NDUFS4: variants seen among roughly 807,000 people sequenced by gnomAD.
NDUFS4 encodes NADH dehydrogenase [ubiquinone] iron-sulfur protein 4, mitochondrial.
Under a neutral mutation model 24.3 loss-of-function variants are expected in NDUFS4, and 28 were observed. The observed-to-expected ratio is 1.15, with a 90% CI of 0.85 to 1.58. The LOEUF (loss-of-function observed/expected upper bound fraction) is 1.58, where lower values mean the gene tolerates loss of function less well. Ranked by LOEUF, NDUFS4 falls within the 40% of genes most tolerant of loss-of-function variation. The pLI is 0.00. For synonymous variants in NDUFS4, 93 were observed against 69.7 expected (o/e 1.34, Z -1.67); for missense variants, 223 against 207.9 (o/e 1.07, Z -0.45).
chr5:53,605,754 C>T (rs556964871), intron 2 of NDUFS4, among the ~76,000 whole-genome samples: 1 of 152,224 alleles, frequency 6.6e-6, no homozygotes, highest in South Asian at 2.1e-4. Flanking sequence ...GTGGCTCGTG[C>T]CTGTAATCCC....
chr5:53,646,473 T>C (rs1052266768), intron 3 of NDUFS4, 68 bp downstream of exon 3: 4 of 1,533,396 alleles, frequency 2.6e-6, no homozygotes, highest in Non-Finnish European at 3.6e-6. Context: ...CTTCTAAATA[T>C]GATTTTCAAA....
At chr5:53,635,428 T>TA (rs1196283524) in intron 2 of NDUFS4, among the ~76,000 whole-genome samples, 1 of 151,692 alleles carries the variant, frequency 6.6e-6, no homozygotes, top group Non-Finnish European at 1.5e-5. Flanking sequence ...GCTGAGGTGG[T>TA]ATGATCACCT....
At chr5:53,607,452 A>AT (rs1216344840) in intron 2 of NDUFS4, among the ~76,000 whole-genome samples, 6 of 152,202 alleles carry the variant, frequency 3.9e-5, no homozygotes, top group Admixed American at 2.6e-4. Context: ...TACCTCTTGA[A>AT]TCTAAAATTA....
chr5:53,678,318 T>G (rs1245784401), intron 4 of NDUFS4, among the ~76,000 whole-genome samples: 1 of 152,184 alleles, frequency 6.6e-6, no homozygotes, highest in Non-Finnish European at 1.5e-5. Context: ...GTGAAAGCGT[T>G]TCAGTGTGTG....
chr5:53,593,390 A>G (rs1056436067), intron 1 of NDUFS4, among the ~76,000 whole-genome samples: 4 of 151,424 alleles, frequency 2.6e-5, no homozygotes, highest in Non-Finnish European at 4.4e-5. Flanking sequence ...TTCATTTTAT[A>G]TATTAGGGCT....
At chr5:53,673,908 GT>G (rs1163011188) in intron 4 of NDUFS4, among the ~76,000 whole-genome samples, 4 of 152,072 alleles carry the variant, frequency 2.6e-5, no homozygotes, top group African/African-American at 9.7e-5. Flanking sequence ...AAATGAACAT[GT>G]TCATTAACCA....
chr5:53,629,964 T>C (rs1036148980), intron 2 of NDUFS4, among the ~76,000 whole-genome samples: 1 of 152,228 alleles, frequency 6.6e-6, no homozygotes, highest in Admixed American at 6.5e-5. Flanking sequence ...TGCAGTTTCT[T>C]CATAGCGCTG....
intron 4 of NDUFS4, among the ~76,000 whole-genome samples, chr5:53,669,147 G>A (rs1399924052): frequency 6.6e-6 from 1 of 152,090 alleles, no homozygotes; most frequent in East Asian, 1.9e-4. Flanking sequence ...AAAATTTTAG[G>A]TGACCTCTAG....
intron 2 of NDUFS4, among the ~76,000 whole-genome samples, chr5:53,632,369 A>G (rs1751434665): frequency 6.6e-6 from 1 of 152,030 alleles, no homozygotes; most frequent in African/African-American, 2.4e-5. Flanking sequence ...CTTACGTTTT[A>G]CCTTTCTTGT....
At chr5:53,585,465 G>T (rs1749718136) in intron 1 of NDUFS4, among the ~76,000 whole-genome samples, 1 of 152,158 alleles carries the variant, frequency 6.6e-6, no homozygotes, top group South Asian at 2.1e-4. Context: ...AAATTTTTGT[G>T]CCGGGCTTGG....
chr5:53,573,454 CTCTT>C (rs1293000337), intron 1 of NDUFS4, among the ~76,000 whole-genome samples: 1 of 152,136 alleles, frequency 6.6e-6, no homozygotes, highest in Non-Finnish European at 1.5e-5. Flanking sequence ...CATGGTATGT[CTCTT>C]TATTTATTTA....
intron 2 of NDUFS4, among the ~76,000 whole-genome samples, chr5:53,610,810 T>C (rs1448377499): frequency 6.6e-6 from 1 of 152,214 alleles, no homozygotes; most frequent in Non-Finnish European, 1.5e-5. Context: ...GAATCTCTTT[T>C]AAAATGTTTT....
At chr5:53,568,308 ATAT>A (rs1485979006) in intron 1 of NDUFS4, among the ~76,000 whole-genome samples, 8 of 151,964 alleles carry the variant, frequency 5.3e-5, no homozygotes, top group African/African-American at 1.7e-4. Flanking sequence ...CCCCCAGTCT[ATAT>A]TGGTTCAGTA....
chr5:53,580,539 GATCTA>G lies in NDUFS4; in HGVS notation c.98+19781_98+19785del, dbSNP rs576546870. 6.6e-5 allele frequency among the ~76,000 whole-genome samples: 10 copies of G among 152,282 alleles called. No individual in the cohort carries two copies. In the South Asian group the frequency reaches 1.7e-3, roughly 25 times the overall value. On this transcript the variant is annotated intron_variant, in intron 1 of 4. Coordinates refer to ENST00000296684, the MANE Select transcript of NDUFS4 (RefSeq NM_002495.4). ...CTTTTCCATGAATTCTAGGTGCATA[GATCTA>G]ACCAAGACATCCTCATCTTGGATTT...
At chr5:53,573,698 C>G (rs1749292428) in intron 1 of NDUFS4, 1 of 349,406 alleles carries the variant, frequency 2.9e-6, no homozygotes, top group Non-Finnish European at 5.6e-6. Flanking sequence ...AAGCAGTCCT[C>G]CCACCTCAGC....
At chr5:53,617,557 C>T (rs558301223) in intron 2 of NDUFS4, among the ~76,000 whole-genome samples, 8 of 152,216 alleles carry the variant, frequency 5.3e-5, no homozygotes, top group African/African-American at 1.7e-4. Flanking sequence ...CTTCTTCCTT[C>T]CATTCTTTTT....
intron 3 of NDUFS4, among the ~76,000 whole-genome samples, chr5:53,653,694 T>C (rs1401412225): frequency 6.6e-6 from 1 of 152,082 alleles, no homozygotes; most frequent in African/African-American, 2.4e-5. Flanking sequence ...CCACAACAAT[T>C]TGGTATATAT....
intron 3 of NDUFS4, among the ~76,000 whole-genome samples, chr5:53,655,356 A>C (rs1043180038): frequency 6.8e-6 from 1 of 147,952 alleles, no homozygotes; most frequent in African/African-American, 2.5e-5. Context: ...AACATAGATT[A>C]GTTTTGCCTA....
chr5:53,637,207 TC>T (rs34403206), intron 2 of NDUFS4, among the ~76,000 whole-genome samples: 34,032 of 151,920 alleles, frequency 0.22, 4,620 homozygotes, highest in East Asian at 0.46. Context: ...CTGTTTGAGG[TC>T]CCCAAGTATC....
Sources: gnomAD v4.1 joint callset for allele counts (sites outside exome capture counted in the v4.1 genomes callset) on GRCh38, gnomAD v4.1.1 for gene constraint, MANE v1.5 for transcripts, NCBI Gene and HGNC (gene_info 2026-07-23, HGNC 2026-07-21) for gene names.